Variants in SYNJ1 observed in about 807,000 individuals in gnomAD.
SYNJ1 encodes polyphosphatidylinositol phosphatase SYNJ1.
Under a neutral mutation model 168.2 loss-of-function variants are expected in SYNJ1, and 78 were observed. That is an observed-to-expected ratio of 0.46 (90% CI 0.39 to 0.56). SYNJ1 has a LOEUF of 0.56. Among genes scored for constraint, SYNJ1 ranks in the 20% least tolerant of loss-of-function variants. The pLI is 0.00. For missense variants in SYNJ1, 1,303 were observed against 1,597.6 expected (o/e 0.82, Z 3.14); for synonymous variants, 539 against 548.6 (o/e 0.98, Z 0.24).
At chr21:32,678,599 G>A in intron 12 of SYNJ1, 46 bp downstream of exon 12, 1 of 1,502,608 alleles carries the variant, frequency 6.7e-7, no homozygotes, top group East Asian at 2.5e-5. Context: ...TTACCTCTTG[G>A]ACCTTTAGGA....
intron 6 of SYNJ1, among the ~76,000 whole-genome samples, chr21:32,689,815 A>C (rs895691309): frequency 1.3e-5 from 2 of 152,256 alleles, no homozygotes; most frequent in Non-Finnish European, 2.9e-5. Context: ...TTTTTAAATA[A>C]GAAATCAATT....
chr21:32,646,092 G>A lies in SYNJ1; in HGVS notation c.3247+301C>T. The A allele has an allele frequency of 1.3e-5, 9 of 685,458 alleles. No homozygotes were observed. The South Asian group carries it at 1.3e-4, about 10-fold the overall frequency. 42.5% of individuals were successfully genotyped at this position (685,458 alleles called of 1,614,324 possible). A position where few individuals can be genotyped will look rare whatever the true frequency, so the allele number is the denominator to read the frequency against. ...TTTGAGTTAAGCCATTTTGTAGTCT[G>A]GCCAGTAGAGAGAAGAAAAAGCTCA... is the stretch of plus-strand genomic sequence containing the variant. On this transcript the variant is annotated intron_variant, in intron 24 of 32. Transcript: ENST00000674351.
At chr21:32,714,013 T>C (rs1400997607) in intron 2 of SYNJ1, among the ~76,000 whole-genome samples, 1 of 152,302 alleles carries the variant, frequency 6.6e-6, no homozygotes, top group East Asian at 1.9e-4. Context: ...CTCAACCCAG[T>C]TGTGGTAATA....
chr21:32,683,442 GT>G (rs988808363), intron 10 of SYNJ1, among the ~76,000 whole-genome samples: 12 of 151,838 alleles, frequency 7.9e-5, no homozygotes, highest in African/African-American at 2.9e-4. Context: ...ATCTGATCCT[GT>G]TTTTTTATAG....
chr21:32,632,607 A>G (rs1411851079), intron 32 of SYNJ1, among the ~76,000 whole-genome samples: 2 of 152,168 alleles, frequency 1.3e-5, no homozygotes, highest in Non-Finnish European at 2.9e-5. Context: ...GCTGGTCACA[A>G]ACTCCTGAGT....
intron 4 of SYNJ1, 100 bp from the exon 5 acceptor site, chr21:32,695,382 T>A: frequency 8.8e-7 from 1 of 1,137,134 alleles, no homozygotes; most frequent in Non-Finnish European, 1.2e-6. Context: ...TATTATTAAA[T>A]TTAAAGGCAC....
intron 18 of SYNJ1, 104 bp downstream of exon 18, chr21:32,664,809 A>T: frequency 1.0e-6 from 1 of 972,036 alleles, no homozygotes; most frequent in Non-Finnish European, 1.5e-6. Flanking sequence ...ATGCATATTT[A>T]AGTACAAAAA....
At chr21:32,723,315 A>G (rs180980623) in intron 2 of SYNJ1, among the ~76,000 whole-genome samples, 184 of 152,364 alleles carry the variant, frequency 1.2e-3, no homozygotes, top group Middle Eastern at 3.4e-3. Context: ...CAAGAAAATT[A>G]AGTGATTGCT....
Position 32,644,989 on chromosome 21 carries a change from G to A in SYNJ1, c.3409C>T (p.Pro1137Ser), listed in dbSNP as rs1461988082. ...PPPSGARSPAPTRKEFGGIGA... is the reference protein window; with the variant it reads ...PPPSGARSPASTRKEFGGIGA... Reference sequence around the variant, plus strand: ...TTACCTCCAAATTCCTTTCTAGTGGGTGCAGGACTCCTAGCCCCTTATAGT... The same window carrying A: ...TTACCTCCAAATTCCTTTCTAGTGGATGCAGGACTCCTAGCCCCTTATAGT... Residue 1137 changes from proline to serine, a missense_variant, in exon 26 of 33, where the codon CCC (proline) becomes TCC (serine). Physicochemically the swap from Pro to Ser is moderately conservative, Grantham distance 74 (BLOSUM62 -1). Around this residue, in one of 2 missense-constraint regions of SYNJ1, gnomAD observed 383 missense variants for 388.8 expected, o/e 0.99. Transcript: ENST00000674351. 2 of 1,607,588 alleles carry A rather than the reference G, an allele frequency of 1.2e-6. No homozygotes were observed. The highest frequency in any genetic ancestry group is 1.3e-5 in the African/African-American group (1 of 74,716).
At chr21:32,675,750 A>ATT (rs1404461465) in intron 13 of SYNJ1, among the ~76,000 whole-genome samples, 1 of 152,244 alleles carries the variant, frequency 6.6e-6, no homozygotes, top group East Asian at 1.9e-4. Flanking sequence ...AAGAAAAATA[A>ATT]TAAATAGTCT....
At chr21:32,718,039 T>C (rs896781554) in intron 2 of SYNJ1, among the ~76,000 whole-genome samples, 1 of 152,218 alleles carries the variant, frequency 6.6e-6, no homozygotes, top group African/African-American at 2.4e-5. Flanking sequence ...TCCATGTATT[T>C]TGTTCATTTT....
intron 14 of SYNJ1, chr21:32,670,752 A>G: frequency 2.1e-6 from 2 of 966,304 alleles, no homozygotes; most frequent in Non-Finnish European, 2.5e-6. Flanking sequence ...TGACTGAGAA[A>G]CTACCTCAAA....
chr21:32,728,189 C>A (rs2043567913), upstream of SYNJ1: 2 of 925,588 alleles, frequency 2.2e-6, no homozygotes, highest in Non-Finnish European at 3.1e-6. Flanking sequence ...TTGCCTCCTG[C>A]GGCCGCCCCC....
intron 12 of SYNJ1, 60 bp from the exon 13 acceptor site, chr21:32,676,415 T>C: frequency 6.5e-7 from 1 of 1,534,756 alleles, no homozygotes; most frequent in Non-Finnish European, 8.9e-7. Context: ...ACAATTAAAA[T>C]GTTGAGTATA....
rs1022879813 is a variant in SYNJ1 at position 32,727,926 on chromosome 21, C to T, written c.-23+20G>A. ...TGGGTCTGGCCGCAGCAGCTCCCCGCCCCCCGCCGGCTTGCTCACCTCTTC... is the reference window on the plus strand; with the variant it reads ...TGGGTCTGGCCGCAGCAGCTCCCCGTCCCCCGCCGGCTTGCTCACCTCTTC... On this transcript the variant is annotated intron_variant, in intron 1 of 32. Coordinates refer to ENST00000674351, the MANE Select transcript of SYNJ1 (RefSeq NM_203446.3). 4.5e-5 allele frequency: 69 copies of T among 1,531,746 alleles called. No individual in the cohort carries two copies. The highest frequency in any genetic ancestry group is 5.2e-5 in the Non-Finnish European group (60 of 1,145,544). The allele number at this position is 1,531,746 out of a possible 1,614,324, so 94.9% of individuals were successfully genotyped here.
chr21:32,645,753 GGCA>G lies in SYNJ1; in HGVS notation c.3281_3283del (p.Leu1094del). ...CAAGGGCTGGGCGGGGTCTTTCTGC[GGCA>G]GCGGCGTTGCTGGCTGCGCGTCAAT... On this transcript the variant is annotated inframe_deletion, in exon 25 of 33. Transcript: ENST00000674351. The G allele has an allele frequency of 6.8e-7, 1 of 1,464,238 alleles. No homozygotes were observed. The highest frequency in any genetic ancestry group is 2.5e-5 in the East Asian group (1 of 40,152). The allele number at this position is 1,464,238 out of a possible 1,614,324, so 90.7% of individuals were successfully genotyped here.
intron 18 of SYNJ1, among the ~76,000 whole-genome samples, chr21:32,659,874 G>C (rs1047196743): frequency 3.3e-5 from 5 of 152,208 alleles, no homozygotes; most frequent in Non-Finnish European, 7.3e-5. Flanking sequence ...GGATGGTCAA[G>C]GCAGCCCCTT....
In SYNJ1 at chr21:32,685,819, A is replaced by G. The variant is rs2041819587; in HGVS notation, c.1047T>C (p.Ser349=). Residue 349 remains serine, a synonymous_variant, in exon 9 of 33, where the codon AGT becomes AGC. Coordinates refer to ENST00000674351, the MANE Select transcript of SYNJ1 (RefSeq NM_203446.3). ...ACTTCTGGACTTGAGGTTTAAGAAC[A>G]CTATGTAATTTTTCTGCCTTTCCTC... ...VKGGKAEKLH[S]VLKPQVQKFL... 1.9e-6 allele frequency: 3 copies of G among 1,613,368 alleles called. No homozygotes were observed. The highest frequency in any genetic ancestry group is 1.7e-4 in the Middle Eastern group (1 of 6,054).
chr21:32,704,381 C>T (rs1344880049), intron 2 of SYNJ1, among the ~76,000 whole-genome samples: 1 of 152,204 alleles, frequency 6.6e-6, no homozygotes, highest in Non-Finnish European at 1.5e-5. Flanking sequence ...AAAACAGTAT[C>T]TTCTTCATAA....
Sources: gnomAD v4.1 joint callset for allele counts (sites outside exome capture counted in the v4.1 genomes callset) on GRCh38, gnomAD v4.1.1 for gene constraint, gnomAD v4.1.1 regional missense constraint, MANE v1.5 for transcripts, NCBI Gene and HGNC (gene_info 2026-07-23, HGNC 2026-07-21) for gene names.